The following AGBL4 variants were observed in gnomAD, a reference collection of about 807,000 sequenced individuals.
AGBL4 encodes cytosolic carboxypeptidase 6.
AGBL4 carries 58 observed loss-of-function variants against 66.4 expected under a neutral mutation model. The observed-to-expected ratio is 0.87, with a 90% CI of 0.71 to 1.09. The LOEUF (loss-of-function observed/expected upper bound fraction) is 1.09, where lower values mean the gene tolerates loss of function less well. Among genes scored for constraint, AGBL4 ranks in the 50% least tolerant of loss-of-function variants. The pLI is 0.00. For synonymous variants in AGBL4, 234 were observed against 222.9 expected (o/e 1.05, Z -0.44); for missense variants, 579 against 631.0 (o/e 0.92, Z 0.88).
chr1:49,741,088 T>C (rs1268016724), intron 2 of AGBL4, among the ~76,000 whole-genome samples: 1 of 151,972 alleles, frequency 6.6e-6, no homozygotes, highest in East Asian at 1.9e-4. Context: ...AAAAAAACCC[T>C]TCAAAAAATC....
At chr1:49,052,266 T>C (rs993671258) in intron 4 of AGBL4, among the ~76,000 whole-genome samples, 1 of 152,166 alleles carries the variant, frequency 6.6e-6, no homozygotes, top group African/African-American at 2.4e-5. Flanking sequence ...ACAATATTCC[T>C]ACCTATGGTG....
chr1:49,514,946 C>T (rs867700041), intron 3 of AGBL4, among the ~76,000 whole-genome samples: 3 of 152,016 alleles, frequency 2.0e-5, no homozygotes, highest in Non-Finnish European at 4.4e-5. Flanking sequence ...AGAAGAAAAC[C>T]TAGGCAATAC....
intron 3 of AGBL4, among the ~76,000 whole-genome samples, chr1:49,285,077 T>C (rs1032661173): frequency 6.6e-6 from 1 of 151,954 alleles, no homozygotes. Context: ...TACATTTTTT[T>C]CAGCACACCA....
chr1:49,093,454 T>G (rs1406602237), intron 4 of AGBL4, among the ~76,000 whole-genome samples: 1 of 152,180 alleles, frequency 6.6e-6, no homozygotes, highest in African/African-American at 2.4e-5. Flanking sequence ...GAAAATATAG[T>G]AGTAAGCACA....
chr1:49,092,983 C>A (rs1645028570), intron 4 of AGBL4, among the ~76,000 whole-genome samples: 1 of 152,008 alleles, frequency 6.6e-6, no homozygotes, highest in African/African-American at 2.4e-5. Flanking sequence ...TTTTATTTCA[C>A]AAGAAGAGAA....
chr1:49,674,058 T>C (rs1243766116), intron 3 of AGBL4, among the ~76,000 whole-genome samples: 1 of 152,046 alleles, frequency 6.6e-6, no homozygotes, highest in Non-Finnish European at 1.5e-5. Flanking sequence ...CATGAGTGTG[T>C]GTACCCAAGA....
chr1:48,657,190 A>G (rs903577965), intron 7 of AGBL4, among the ~76,000 whole-genome samples: 7 of 152,170 alleles, frequency 4.6e-5, no homozygotes, highest in African/African-American at 1.2e-4. Flanking sequence ...TTCCTCATCA[A>G]TTACAAAGGG....
chr1:48,940,015 C>T (rs950423660), intron 5 of AGBL4, among the ~76,000 whole-genome samples: 22 of 152,166 alleles, frequency 1.4e-4, no homozygotes, highest in African/African-American at 4.3e-4. Flanking sequence ...CGCAAAATGT[C>T]GATAGTGCTG....
intron 3 of AGBL4, among the ~76,000 whole-genome samples, chr1:49,549,890 C>A (rs1328645529): frequency 1.3e-5 from 2 of 151,982 alleles, no homozygotes; most frequent in African/African-American, 4.8e-5. Context: ...ATTGACGTCC[C>A]CAACTATTAT....
In AGBL4 at chr1:48,636,350, A is replaced by G. The variant is rs551504455; in HGVS notation, c.840-1746T>C. ...TAAGTGCAGCAGTAGCTAACATTTA[A>G]GAAGTGCTTACTAGTACCTTTACAT... On this transcript the variant is annotated intron_variant, in intron 8 of 13. Coordinates refer to ENST00000371839, the MANE Select transcript of AGBL4 (RefSeq NM_032785.4). Among the ~76,000 whole-genome samples, 4 of 152,382 alleles carry G rather than the reference A, an allele frequency of 2.6e-5. No individual in the cohort carries two copies. In the East Asian group the frequency reaches 7.7e-4, roughly 29 times the overall value.
At chr1:49,274,997 T>C (rs923980535) in intron 3 of AGBL4, among the ~76,000 whole-genome samples, 2 of 152,216 alleles carry the variant, frequency 1.3e-5, no homozygotes, top group African/African-American at 4.8e-5. Flanking sequence ...TCTCACATAA[T>C]TTCTCCAGAA....
chr1:49,106,067 G>C lies in AGBL4; in HGVS notation c.378-60267C>G, dbSNP rs371398640. On this transcript the variant is annotated intron_variant, in intron 4 of 13. Coordinates refer to ENST00000371839, the MANE Select transcript of AGBL4 (RefSeq NM_032785.4). Reference sequence around the variant, plus strand: ...TTTTACAGCCTTATCTAGGAGTTCAGTTTACCTAACCACAGTAGATTCAAA... The same window carrying C: ...TTTTACAGCCTTATCTAGGAGTTCACTTTACCTAACCACAGTAGATTCAAA... Among the ~76,000 whole-genome samples the C allele has an allele frequency of 3.4e-4, 52 of 152,272 alleles. 1 individual carries two copies. In the South Asian group the frequency reaches 9.5e-3, roughly 28 times the overall value.
At chr1:49,078,155 G>A (rs537517050) in intron 4 of AGBL4, among the ~76,000 whole-genome samples, 2 of 152,220 alleles carry the variant, frequency 1.3e-5, no homozygotes, top group South Asian at 2.1e-4. Flanking sequence ...ACTAAGGAAA[G>A]AGCTAAATCC....
chr1:48,909,857 T>C (rs1652936763), intron 5 of AGBL4, among the ~76,000 whole-genome samples: 1 of 152,236 alleles, frequency 6.6e-6, no homozygotes, highest in South Asian at 2.1e-4. Context: ...TGAAATATAC[T>C]ATATTTATGT....
intron 6 of AGBL4, among the ~76,000 whole-genome samples, chr1:48,688,898 G>A (rs895804780): frequency 1.3e-5 from 2 of 151,962 alleles, no homozygotes; most frequent in African/African-American, 4.8e-5. Context: ...TCAGTTGCAG[G>A]GAGCAGGATC....
At chr1:50,000,115 A>G (rs1370705484) in intron 1 of AGBL4, among the ~76,000 whole-genome samples, 3 of 152,178 alleles carry the variant, frequency 2.0e-5, no homozygotes, top group African/African-American at 4.8e-5. Context: ...CAAAAGAAAT[A>G]ATCAGCAGAC....
intron 3 of AGBL4, among the ~76,000 whole-genome samples, chr1:49,664,053 G>A (rs1468589456): frequency 1.3e-5 from 2 of 151,908 alleles, no homozygotes; most frequent in African/African-American, 2.4e-5. Flanking sequence ...TTAGAGAGGA[G>A]TAGAAAGGCC....
chr1:49,547,121 A>C (rs910593817), intron 3 of AGBL4, among the ~76,000 whole-genome samples: 2 of 152,036 alleles, frequency 1.3e-5, no homozygotes, highest in African/African-American at 2.4e-5. Context: ...ATCCTCTATA[A>C]TTTTCATAGT....
intron 5 of AGBL4, among the ~76,000 whole-genome samples, chr1:48,985,615 A>G (rs1660124302): frequency 6.6e-6 from 1 of 152,116 alleles, no homozygotes; most frequent in Non-Finnish European, 1.5e-5. Context: ...GTGTCACCTA[A>G]TGAACTTAAA....
Sources: gnomAD v4.1 joint callset for allele counts (sites outside exome capture counted in the v4.1 genomes callset) on GRCh38, gnomAD v4.1.1 for gene constraint, MANE v1.5 for transcripts, NCBI Gene and HGNC (gene_info 2026-07-23, HGNC 2026-07-21) for gene names.